CBFA2T2: variants seen among roughly 807,000 people sequenced by gnomAD.
The protein encoded by CBFA2T2 is protein CBFA2T2.
In CBFA2T2, 11 loss-of-function variants were observed where a neutral mutation model predicts 62.2. The observed-to-expected ratio is 0.18, with a 90% CI of 0.11 to 0.29. CBFA2T2 has a LOEUF of 0.29. CBFA2T2 is among the 10% of genes least tolerant of loss of function. The pLI is 1.00. For synonymous variants in CBFA2T2, 295 were observed against 287.5 expected, an observed-to-expected ratio of 1.03 and a Z score of -0.27; for missense variants, 592 against 774.1, an observed-to-expected ratio of 0.76 and a Z score of 2.79.
At chr20:33,541,145 T>TG (rs1339944847) in intron 1 of CBFA2T2, among the ~76,000 whole-genome samples, 3 of 152,216 alleles carry the variant, frequency 2.0e-5, no homozygotes, top group Non-Finnish European at 4.4e-5. Flanking sequence ...TTTGATTAGA[T>TG]GTCTCTTCCA....
chr20:33,602,234 G>A (rs971381752), intron 1 of CBFA2T2, among the ~76,000 whole-genome samples: 7 of 151,908 alleles, frequency 4.6e-5, no homozygotes, highest in African/African-American at 1.7e-4. Flanking sequence ...TATCCCCAGG[G>A]ACAGATAAAG....
At chr20:33,633,383 AAT>A (rs1424612771) in intron 8 of CBFA2T2, among the ~76,000 whole-genome samples, 162 of 140,846 alleles carry the variant, frequency 1.2e-3, no homozygotes, top group African/African-American at 4.5e-3. Context: ...AAAAAAAATA[AAT>A]AAATAAATAA....
intron 1 of CBFA2T2, among the ~76,000 whole-genome samples, chr20:33,585,821 T>C (rs1025514275): frequency 1.3e-5 from 2 of 152,234 alleles, no homozygotes; most frequent in African/African-American, 2.4e-5. Flanking sequence ...AATTATTTTC[T>C]CTCAAAATTC....
rs964685851 is a variant in CBFA2T2, at chr20:33,637,720, T to G, written c.1297+1012T>G. 4.7e-4 allele frequency among the ~76,000 whole-genome samples: 71 copies of G among 150,842 alleles called. 2 individuals are homozygous for G. The South Asian group carries it at 0.014, about 31-fold the overall frequency. On this transcript the variant is annotated intron_variant, in intron 9 of 10. Transcript: ENST00000342704. Reference sequence around the variant, plus strand: ...TTCGCGCTTGTTGCCCAGGCTGGAGTGCAACGGTGTGATCTCGGCTCACTG... The same window carrying G: ...TTCGCGCTTGTTGCCCAGGCTGGAGGGCAACGGTGTGATCTCGGCTCACTG...
chr20:33,590,338 A>T (rs747229174), intron 1 of CBFA2T2, among the ~76,000 whole-genome samples: 1 of 151,904 alleles, frequency 6.6e-6, no homozygotes, highest in African/African-American at 2.4e-5. Flanking sequence ...CCCTAAGGTA[A>T]TTTTTTTTAA....
intron 1 of CBFA2T2, among the ~76,000 whole-genome samples, chr20:33,568,485 A>G (rs988931150): frequency 6.6e-6 from 1 of 152,152 alleles, no homozygotes; most frequent in African/African-American, 2.4e-5. Flanking sequence ...GGGACCTTGC[A>G]CCACTTACTC....
At chr20:33,512,751 T>TC (rs1491374338) in intron 1 of CBFA2T2, among the ~76,000 whole-genome samples, 2 of 137,260 alleles carry the variant, frequency 1.5e-5, no homozygotes, top group African/African-American at 5.3e-5. Context: ...TATGTATGTC[T>TC]TTTTTTTTTT....
At chr20:33,528,694 G>A (rs1224730207) in intron 1 of CBFA2T2, among the ~76,000 whole-genome samples, 2 of 400 alleles carry the variant, frequency 5.0e-3, no homozygotes, top group Admixed American at 0.014. Context: ...GTCCACTCGT[G>A]TGTGTGTGTG....
intron 1 of CBFA2T2, among the ~76,000 whole-genome samples, chr20:33,564,416 C>T (rs575350366): frequency 3.9e-5 from 6 of 151,922 alleles, no homozygotes; most frequent in African/African-American, 1.4e-4. Flanking sequence ...TGCCACCATG[C>T]CTGGCTAATT....
intron 1 of CBFA2T2, among the ~76,000 whole-genome samples, chr20:33,605,487 A>T (rs961354164): frequency 6.6e-6 from 1 of 152,228 alleles, no homozygotes; most frequent in Non-Finnish European, 1.5e-5. Flanking sequence ...AGGGAAAAAT[A>T]ACTTGTTAGA....
Position 33,644,386 on chromosome 20 carries a change from A to G in CBFA2T2, c.1528A>G (p.Ser510Gly). ...TGGCCGCAAAGCCAGCGAGACATGC[A>G]GTGGCTGCAATATCGCGCGATACTG... ...NCGRKASETC[S>G]GCNIARYCGS... Residue 510 changes from serine to glycine, a missense_variant, in exon 11 of 11, where the codon AGT becomes GGT. Around this residue, in one of 3 missense-constraint regions of CBFA2T2, gnomAD observed 58 missense variants for 123.9 expected, o/e 0.47. Transcript: ENST00000342704. 3 of 1,613,852 alleles carry G rather than the reference A, an allele frequency of 1.9e-6. No homozygotes were observed. The highest frequency in any genetic ancestry group is 1.7e-6 in the Non-Finnish European group (2 of 1,179,726).
chr20:33,575,969 A>G (rs1405113848), intron 1 of CBFA2T2, among the ~76,000 whole-genome samples: 7 of 150,466 alleles, frequency 4.7e-5, no homozygotes, highest in African/African-American at 1.7e-4. Context: ...ATGTATTTTT[A>G]GTAGAGACGG....
At chr20:33,563,796 C>G (rs183290271) in intron 1 of CBFA2T2, among the ~76,000 whole-genome samples, 1 of 152,070 alleles carries the variant, frequency 6.6e-6, no homozygotes, top group Non-Finnish European at 1.5e-5. Flanking sequence ...GATTCCTAAA[C>G]CCCTTGCATT....
chr20:33,642,773 C>T (rs1488792953), intron 10 of CBFA2T2, among the ~76,000 whole-genome samples: 1 of 152,138 alleles, frequency 6.6e-6, no homozygotes, highest in African/African-American at 2.4e-5. Context: ...CTACTTTTAT[C>T]TCTGTTTATC....
chr20:33,629,785 C>G lies in CBFA2T2; in HGVS notation c.1099C>G (p.Gln367Glu). 1 of 1,614,078 alleles carries G rather than the reference C, an allele frequency of 6.2e-7. No homozygotes were observed. Among genetic ancestry groups the G allele is most frequent in the Non-Finnish European group, 8.5e-7 (1 of 1,180,026 alleles). The change falls in exon 8 of 11, where the codon CAG becomes GAG. Residue 367 changes from glutamine (Q) to glutamate (E), a missense_variant. Coordinates refer to ENST00000342704, the MANE Select transcript of CBFA2T2 (RefSeq NM_001032999.3). ...CTCTATGGCAGTTCTGCGGCGCTGTCAGGAATCAGATCGTGAAGAACTCAA... is the reference window on the plus strand; with the variant it reads ...CTCTATGGCAGTTCTGCGGCGCTGTGAGGAATCAGATCGTGAAGAACTCAA... Reference protein sequence around the residue: ...RRSMAVLRRCQESDREELNYW... With the variant: ...RRSMAVLRRCEESDREELNYW...
intron 1 of CBFA2T2, among the ~76,000 whole-genome samples, chr20:33,512,514 C>T (rs2011528236): frequency 6.6e-6 from 1 of 152,142 alleles, no homozygotes; most frequent in Non-Finnish European, 1.5e-5. Flanking sequence ...TATAAAGAGT[C>T]ATATAATGTG....
intron 1 of CBFA2T2, among the ~76,000 whole-genome samples, chr20:33,534,274 C>A (rs1199421526): frequency 6.6e-6 from 1 of 152,116 alleles, no homozygotes. Context: ...CTGTTTAAAT[C>A]TTTTACCCAT....
intron 1 of CBFA2T2, chr20:33,574,064 C>T (rs1600991560): frequency 7.1e-7 from 1 of 1,404,468 alleles, no homozygotes; most frequent in Non-Finnish European, 9.5e-7. Flanking sequence ...GCTGGGATTA[C>T]AGGCAAGAGC....
At chr20:33,546,401 G>A (rs2012568882) in intron 1 of CBFA2T2, among the ~76,000 whole-genome samples, 2 of 149,082 alleles carry the variant, frequency 1.3e-5, no homozygotes, top group South Asian at 4.2e-4. Context: ...AATTAATTTA[G>A]CTCAGCATGG....
Sources: allele counts gnomAD v4.1 joint callset (sites outside exome capture counted in the v4.1 genomes callset), GRCh38; gene constraint gnomAD v4.1.1; regional missense constraint gnomAD v4.1.1; transcripts MANE v1.5; gene names NCBI Gene and HGNC (gene_info 2026-07-23, HGNC 2026-07-21).